SELENOK: variants seen among roughly 807,000 people sequenced by gnomAD.
SELENOK encodes selenoprotein K.
A neutral mutation model predicts 17.3 loss-of-function variants in SELENOK; 11 were observed. That is an observed-to-expected ratio of 0.63 (90% CI 0.40 to 1.05). SELENOK has a LOEUF of 1.05. Ranked by LOEUF, SELENOK falls within the 50% of genes least tolerant of loss-of-function variation. SELENOK has a pLI of 0.00. For missense variants in SELENOK, 125 were observed against 113.9 expected (o/e 1.10, Z -0.44); for synonymous variants, 45 against 35.4 (o/e 1.27, Z -0.97).
intron 1 of SELENOK, among the ~76,000 whole-genome samples, chr3:53,889,170 A>C (rs1420030508): frequency 6.6e-6 from 1 of 152,240 alleles, no homozygotes; most frequent in Non-Finnish European, 1.5e-5. Context: ...TGTGATATTA[A>C]GTACATTCTA....
intron 3 of SELENOK, 105 bp downstream of exon 3, chr3:53,886,746 G>A: frequency 9.4e-6 from 6 of 635,592 alleles, no homozygotes; most frequent in Non-Finnish European, 5.1e-6. Flanking sequence ...TGTAAAATAG[G>A]ATTTAAACTT....
At chr3:53,891,682 G>C in intron 1 of SELENOK, 88 bp downstream of exon 1, 1 of 1,545,646 alleles carries the variant, frequency 6.5e-7, no homozygotes, top group South Asian at 1.1e-5. Flanking sequence ...GCCGCACCGG[G>C]CTCAAGACTC....
intron 2 of SELENOK, among the ~76,000 whole-genome samples, chr3:53,887,650 G>A (rs1700136503): frequency 6.6e-6 from 1 of 152,106 alleles, no homozygotes; most frequent in Non-Finnish European, 1.5e-5. Context: ...TCCTTCATGT[G>A]GTTTCCTTTA....
Position 53,885,531 on chromosome 3 carries a change from C to G in SELENOK, c.*27G>C. 1 of 1,605,956 alleles carries G rather than the reference C, an allele frequency of 6.2e-7. No individual in the cohort carries two copies. ...TCCTTCTGCTATGAATGCGCATGTCCGGTTGTCTGCTTCTTAGAGCAGACA... is the reference window on the plus strand; with the variant it reads ...TCCTTCTGCTATGAATGCGCATGTCGGGTTGTCTGCTTCTTAGAGCAGACA... On this transcript the variant is annotated 3_prime_UTR_variant, in exon 5 of 5. Coordinates refer to ENST00000495461, the MANE Select transcript of SELENOK (RefSeq NM_021237.5).
At chr3:53,889,327 T>G (rs540044972) in intron 1 of SELENOK, among the ~76,000 whole-genome samples, 5 of 152,186 alleles carry the variant, frequency 3.3e-5, no homozygotes, top group African/African-American at 9.7e-5. Flanking sequence ...CCCGACAAAT[T>G]TGACTACTCT....
Position 53,885,832 on chromosome 3 carries a change from C to T in SELENOK, c.275G>A (p.Sec92Ter). 6.3e-7 allele frequency: 1 copy of T among 1,584,514 alleles called. No homozygotes were observed. The highest frequency in any genetic ancestry group is 8.6e-7 in the Non-Finnish European group (1 of 1,163,582). ...GPSPPPMAGG[U>*]GR ...ATTTCAGATCTGAAGTTACCTTCCT[C>T]ATCCACCAGCCATTGGAGGGGGACT... is the stretch of plus-strand genomic sequence containing the variant. Residue 92 changes from selenocysteine to a stop codon, truncating the protein, a stop_gained, in exon 4 of 5, where the codon TGA becomes TAA. Transcript: ENST00000495461. LOFTEE classifies it high-confidence loss of function.
rs375319340 is a variant in SELENOK, at chr3:53,886,846, T to C, written c.194+5A>G. 2.4e-5 allele frequency: 36 copies of C among 1,531,722 alleles called. No individual in the cohort carries two copies. Among genetic ancestry groups the C allele is most frequent in the African/African-American group, 2.8e-5 (2 of 72,442 alleles). The allele number at this position is 1,531,722 out of a possible 1,614,324, so 94.9% of individuals were successfully genotyped here. A position where few individuals can be genotyped will look rare whatever the true frequency, so the allele number is the denominator to read the frequency against. On this transcript the variant is annotated splice_donor_5th_base_variant and intron_variant, in intron 3 of 4. Coordinates refer to ENST00000495461, the MANE Select transcript of SELENOK (RefSeq NM_021237.5). Reference sequence around the variant, plus strand: ...AACAACTATTATCAATTTAAAAAGCTGTACCCTCTTCCATCATCATATCTG... The same window carrying C: ...AACAACTATTATCAATTTAAAAAGCCGTACCCTCTTCCATCATCATATCTG...
At chr3:53,889,627 G>A (rs981648135) in intron 1 of SELENOK, among the ~76,000 whole-genome samples, 32 of 152,180 alleles carry the variant, frequency 2.1e-4, no homozygotes, top group African/African-American at 7.5e-4. Context: ...TGGGACGGGT[G>A]AATATAAAGG....
At position 53,891,760 on chromosome 3, in the gene SELENOK, C is replaced by T; in HGVS notation, c.19+10G>A. On this transcript the variant is annotated intron_variant, in intron 1 of 4. Transcript: ENST00000495461. Reference sequence around the variant, plus strand: ...TCACCGGTCGAAGCCACAGCCCGCTCTCAACTTACCGTTCGAGATGTAAAC... The same window carrying T: ...TCACCGGTCGAAGCCACAGCCCGCTTTCAACTTACCGTTCGAGATGTAAAC... 1.9e-6 allele frequency: 3 copies of T among 1,613,862 alleles called. No individual in the cohort carries two copies. Among genetic ancestry groups the T allele is most frequent in the Non-Finnish European group, 2.5e-6 (3 of 1,179,732 alleles).
At chr3:53,891,380 G>A (rs912478831) in intron 1 of SELENOK, among the ~76,000 whole-genome samples, 2 of 152,212 alleles carry the variant, frequency 1.3e-5, no homozygotes, top group Admixed American at 6.5e-5. Flanking sequence ...GTGACGATAA[G>A]CAAATAACTG....
chr3:53,888,355 T>C (rs757104638), intron 2 of SELENOK, 38 bp downstream of exon 2: 2 of 1,345,614 alleles, frequency 1.5e-6, no homozygotes, highest in Admixed American at 3.5e-5. Flanking sequence ...ACCTGTCAAC[T>C]TAAATATCAG....
intron 3 of SELENOK, among the ~76,000 whole-genome samples, 168 bp from the exon 4 acceptor site, chr3:53,886,080 T>C (rs1250359673): frequency 6.6e-6 from 1 of 152,148 alleles, no homozygotes; most frequent in East Asian, 1.9e-4. Flanking sequence ...ATTAAAACAC[T>C]TAAAGGGACC....
At chr3:53,887,354 T>A (rs1032408844) in intron 2 of SELENOK, among the ~76,000 whole-genome samples, 21 of 152,204 alleles carry the variant, frequency 1.4e-4, no homozygotes, top group African/African-American at 4.6e-4. Context: ...ATGGAATTTT[T>A]AAAAATGATA....
Position 53,885,885 on chromosome 3 carries a change from C to T in SELENOK, c.222G>A (p.Met74Ile), listed in dbSNP as rs1700122160. 6.4e-7 allele frequency: 1 copy of T among 1,556,560 alleles called. No homozygotes were observed. The highest frequency in any genetic ancestry group is 8.6e-7 in the Non-Finnish European group (1 of 1,156,792). ...GGCCACGCAGATGATTGATTCTACC[C>T]ATTCTTCGGGGAGGGTTTCCTGGTG... ...RGPPGNPPRR[M>I]GRINHLRGPS... The change falls in exon 4 of 5, where the codon ATG becomes ATA. Residue 74 changes from methionine to isoleucine, a missense_variant. By Grantham distance (10) the Met-to-Ile change is conservative. Coordinates refer to ENST00000495461, the MANE Select transcript of SELENOK (RefSeq NM_021237.5).
chr3:53,886,920 A>G lies in SELENOK; in HGVS notation c.125T>C (p.Leu42Pro). Residue 42 changes from leucine to proline, a missense_variant, in exon 3 of 5, where the codon CTT (leucine) becomes CCT (proline). Transcript: ENST00000495461. ...EFVVLFFKTL[L>P]QQDVKKRRSY... Reference sequence around the variant, plus strand: ...TCTTCTTTTTTTCACATCTTGCTGAAGCAGAGTTTTGAAACTGAAACAAGG... The same window carrying G: ...TCTTCTTTTTTTCACATCTTGCTGAGGCAGAGTTTTGAAACTGAAACAAGG... 1.3e-6 allele frequency: 2 copies of G among 1,563,276 alleles called. No homozygotes were observed. The highest frequency in any genetic ancestry group is 1.7e-6 in the Non-Finnish European group (2 of 1,152,670).
chr3:53,888,235 A>G (rs1247944422), intron 2 of SELENOK, 158 bp downstream of exon 2: 1 of 572,548 alleles, frequency 1.7e-6, no homozygotes, highest in Non-Finnish European at 3.1e-6. Context: ...TAGCAACTTT[A>G]TCACTAACAT....
At chr3:53,889,982 A>G (rs985657296) in intron 1 of SELENOK, among the ~76,000 whole-genome samples, 2 of 152,246 alleles carry the variant, frequency 1.3e-5, no homozygotes, top group African/African-American at 4.8e-5. Context: ...AGATGTCAGA[A>G]TATTTTCGGG....
intron 1 of SELENOK, 74 bp downstream of exon 1, chr3:53,891,696 G>A (rs1392261156): frequency 1.9e-6 from 3 of 1,581,796 alleles, no homozygotes; most frequent in African/African-American, 1.3e-5. Flanking sequence ...AAGACTCAGC[G>A]AGCGACGATG....
intron 1 of SELENOK, among the ~76,000 whole-genome samples, 171 bp from the exon 2 acceptor site, chr3:53,888,654 A>G (rs930028757): frequency 5.3e-5 from 8 of 152,250 alleles, no homozygotes; most frequent in African/African-American, 1.9e-4. Context: ...GGTTCGGAGA[A>G]GTAATGTTCC....
Sources: allele counts gnomAD v4.1 joint callset (sites outside exome capture counted in the v4.1 genomes callset), GRCh38; gene constraint gnomAD v4.1.1; transcripts MANE v1.5; gene names NCBI Gene and HGNC (gene_info 2026-07-23, HGNC 2026-07-21).